The following MAST4 variants were observed in gnomAD, a reference collection of about 807,000 sequenced individuals.
MAST4 encodes the protein microtubule-associated serine/threonine-protein kinase 4.
MAST4 carries 89 observed loss-of-function variants against 162.7 expected under a neutral mutation model. That is an observed-to-expected ratio of 0.55 (90% CI 0.46 to 0.65). The LOEUF is 0.65. Among genes scored for constraint, MAST4 ranks in the 30% least tolerant of loss-of-function variants. The pLI is 0.00. For synonymous variants in MAST4, 1,479 were observed against 1,361.1 expected, an observed-to-expected ratio of 1.09 and a Z score of -1.91; for missense variants, 3,153 against 3,374.0, an observed-to-expected ratio of 0.93 and a Z score of 1.62.
chr5:67,010,464 G>T (rs1211115566), intron 4 of MAST4, among the ~76,000 whole-genome samples: 1 of 152,116 alleles, frequency 6.6e-6, no homozygotes, highest in African/African-American at 2.4e-5. Flanking sequence ...AACATCGAAG[G>T]CACTGAGACT....
At chr5:66,660,818 T>C (rs1746858572) in intron 1 of MAST4, among the ~76,000 whole-genome samples, 1 of 152,258 alleles carries the variant, frequency 6.6e-6, no homozygotes, top group Non-Finnish European at 1.5e-5. Flanking sequence ...AATTGAATTC[T>C]GTAATTCAGA....
At chr5:66,890,071 G>A (rs1339345044) in intron 3 of MAST4, among the ~76,000 whole-genome samples, 1 of 151,952 alleles carries the variant, frequency 6.6e-6, no homozygotes, top group African/African-American at 2.4e-5. Flanking sequence ...TCTCTAATTT[G>A]ATCAAAACTA....
chr5:66,954,869 C>G (rs192203220), intron 4 of MAST4, among the ~76,000 whole-genome samples: 1 of 149,476 alleles, frequency 6.7e-6, no homozygotes, highest in Non-Finnish European at 1.5e-5. Context: ...CTACTGCACT[C>G]CAGCCTGGGC....
intron 5 of MAST4, among the ~76,000 whole-genome samples, chr5:67,076,396 T>C (rs1761647485): frequency 6.6e-6 from 1 of 152,086 alleles, no homozygotes; most frequent in Admixed American, 6.5e-5. Context: ...GATGCATGTG[T>C]CTGTTTACTA....
chr5:66,907,309 G>C (rs903995288), intron 4 of MAST4, among the ~76,000 whole-genome samples: 1 of 149,844 alleles, frequency 6.7e-6, no homozygotes, highest in Non-Finnish European at 1.5e-5. Context: ...CAAACTTCCC[G>C]AGGCTTTACC....
chr5:67,110,309 C>G (rs1366130175), intron 11 of MAST4, 110 bp downstream of exon 11: 2 of 752,724 alleles, frequency 2.7e-6, no homozygotes, highest in African/African-American at 1.7e-5. Flanking sequence ...TGGAAAGAGT[C>G]AAAGGGAATT....
At chr5:66,919,096 C>CA (rs1764304153) in intron 4 of MAST4, among the ~76,000 whole-genome samples, 1 of 76,298 alleles carries the variant, frequency 1.3e-5, no homozygotes, top group Non-Finnish European at 2.6e-5. Context: ...GAGCGAGACT[C>CA]TCAACACACA....
rs58147838 is a variant in MAST4, at chr5:66,986,353, G to T, written c.675-68051G>T. ...TATAGAAAGTATGGATCCATATGTTGTTACACAGAGAAATACTTGCTCTTT... is the reference window on the plus strand; with the variant it reads ...TATAGAAAGTATGGATCCATATGTTTTTACACAGAGAAATACTTGCTCTTT... On this transcript the variant is annotated intron_variant, in intron 4 of 28. Transcript: ENST00000403625. 2.8e-3 allele frequency: 2,416 copies of T among 868,190 alleles called. 37 individuals carry two copies. In the African/African-American group the frequency reaches 0.035, roughly 12 times the overall value. The allele number at this position is 868,190 out of a possible 1,614,324, so 53.8% of individuals were successfully genotyped here.
At chr5:66,607,494 G>A (rs1055842806) in intron 1 of MAST4, among the ~76,000 whole-genome samples, 2 of 152,134 alleles carry the variant, frequency 1.3e-5, no homozygotes, top group African/African-American at 4.8e-5. Context: ...TAGCAGTTAA[G>A]GCATTTTTGG....
chr5:66,796,914 G>A (rs1755679661), intron 3 of MAST4, among the ~76,000 whole-genome samples: 1 of 152,136 alleles, frequency 6.6e-6, no homozygotes, highest in African/African-American at 2.4e-5. Flanking sequence ...GTTTATGAAA[G>A]GAACACTGAG....
intron 3 of MAST4, among the ~76,000 whole-genome samples, chr5:66,798,866 TTTG>T (rs2149692581): frequency 6.6e-6 from 1 of 152,288 alleles, no homozygotes; most frequent in Middle Eastern, 3.4e-3. Flanking sequence ...TCTTTCCTTG[TTTG>T]TATAAGTGTA....
At position 66,951,596 on chromosome 5, in the gene MAST4, A is replaced by ATG. The variant is rs1491469801; in HGVS notation, c.674+51615_674+51616insGT. 2.2e-3 allele frequency among the ~76,000 whole-genome samples: 253 copies of ATG among 114,832 alleles called. 1 individual carries two copies. Among genetic ancestry groups the ATG allele is most frequent in the Non-Finnish European group, 3.6e-3 (198 of 54,272 alleles). The allele number at this position is 114,832 out of a possible 152,430, so 75.3% of individuals were successfully genotyped here. A position where few individuals can be genotyped will look rare whatever the true frequency, so the allele number is the denominator to read the frequency against. On this transcript the variant is annotated intron_variant, in intron 4 of 28. Coordinates refer to ENST00000403625, the MANE Select transcript of MAST4 (RefSeq NM_001164664.2). ...AGAGGCCATTATTTTGCCTCCCATG[A>ATG]TATGTGTGTGTGTGTGTGTGTGTGT...
chr5:67,091,134 A>G (rs1763824028), intron 6 of MAST4, among the ~76,000 whole-genome samples: 1 of 151,770 alleles, frequency 6.6e-6, no homozygotes, highest in Non-Finnish European at 1.5e-5. Context: ...AGGTAGGTTA[A>G]AAAAAAATAC....
Position 67,164,799 on chromosome 5 carries a change from C to G in MAST4, c.5620C>G (p.Pro1874Ala). Residue 1874 changes from proline (P) to alanine (A), a missense_variant, in exon 29 of 29, where the codon CCT (proline) becomes GCT (alanine). Physicochemically the swap from Pro to Ala is conservative, Grantham distance 27. Coordinates refer to ENST00000403625, the MANE Select transcript of MAST4 (RefSeq NM_001164664.2). This position sits in a 1 kb window ranked among gnomAD's most constrained non-coding sequence, Gnocchi z 5.3. ...GATGAATAAATCCTACCTGCTGGAG[C>G]CTTGGTTCCTGCCCCCCAGCCGAGG... Reference protein sequence around the residue: ...LKMNKSYLLEPWFLPPSRGLQ... With the variant: ...LKMNKSYLLEAWFLPPSRGLQ... The G allele has an allele frequency of 1.2e-6, 2 of 1,614,008 alleles. No individual in the cohort carries two copies. Among genetic ancestry groups the G allele is most frequent in the Non-Finnish European group, 1.7e-6 (2 of 1,179,892 alleles).
intron 2 of MAST4, among the ~76,000 whole-genome samples, chr5:66,780,600 T>C (rs1754822385): frequency 6.6e-6 from 1 of 152,168 alleles, no homozygotes; most frequent in Admixed American, 6.5e-5. Flanking sequence ...GAACAAAGCT[T>C]CCACAGTGTG....
intron 14 of MAST4, among the ~76,000 whole-genome samples, chr5:67,129,685 C>T (rs1429559218): frequency 6.6e-6 from 1 of 150,610 alleles, no homozygotes; most frequent in Admixed American, 6.6e-5. Context: ...GATCATGCCA[C>T]TGCACTCTAG....
At chr5:67,069,220 C>T (rs1258750435) in intron 5 of MAST4, among the ~76,000 whole-genome samples, 1 of 147,812 alleles carries the variant, frequency 6.8e-6, no homozygotes, top group Non-Finnish European at 1.5e-5. Context: ...TGCTAACAAT[C>T]AAATATGACT....
Position 66,934,406 on chromosome 5 carries a change from G to C in MAST4, c.674+34424G>C, listed in dbSNP as rs538294636. 1.4e-4 allele frequency among the ~76,000 whole-genome samples: 22 copies of C among 152,192 alleles called. No homozygotes were observed. The South Asian group carries it at 3.3e-3, about 23-fold the overall frequency. ...CTTTTCTCATTAGCTCAGGGAAATT[G>C]AAGTAGTAATATTTAGCCAGCTTGA... On this transcript the variant is annotated intron_variant, in intron 4 of 28. Transcript: ENST00000403625.
chr5:66,936,700 T>C lies in MAST4; in HGVS notation c.674+36718T>C, dbSNP rs112034723. On this transcript the variant is annotated intron_variant, in intron 4 of 28. Transcript: ENST00000403625. Reference sequence around the variant, plus strand: ...TCACAGGGGATATGATGGCTTAGCTTAGGCTCAGAGGCCTGACAATCATGG... The same window carrying C: ...TCACAGGGGATATGATGGCTTAGCTCAGGCTCAGAGGCCTGACAATCATGG... 2.9e-3 allele frequency among the ~76,000 whole-genome samples: 435 copies of C among 152,280 alleles called. 1 individual carries two copies. The highest frequency in any genetic ancestry group is 6.1e-3 in the Admixed American group (94 of 15,298).
Sources: allele counts gnomAD v4.1 joint callset (sites outside exome capture counted in the v4.1 genomes callset), GRCh38; gene constraint gnomAD v4.1.1; non-coding constraint Gnocchi (gnomAD v3.1); transcripts MANE v1.5; gene names NCBI Gene and HGNC (gene_info 2026-07-23, HGNC 2026-07-21).